The following KLRG1 variants were observed in gnomAD, a reference collection of about 807,000 sequenced individuals.
KLRG1 encodes killer cell lectin like receptor G1.
KLRG1 carries 16 observed loss-of-function variants against 21.8 expected under a neutral mutation model. The observed-to-expected ratio is 0.73, with a 90% CI of 0.50 to 1.11. The LOEUF is 1.11. Among genes scored for constraint, KLRG1 ranks in the 50% most tolerant of loss-of-function variants. KLRG1 has a pLI of 0.00. For missense variants in KLRG1, 173 were observed against 218.3 expected, an observed-to-expected ratio of 0.79 and a Z score of 1.31; for synonymous variants, 69 against 75.9, an observed-to-expected ratio of 0.91 and a Z score of 0.47.
At chr12:9,104,539 G>A in the KLRG1 span, 871 of 739,540 alleles carry the variant, frequency 1.2e-3, 7 homozygotes, top group African/African-American at 0.014. Flanking sequence ...GAAAAAAAAC[G>A]AAGTTTCTTC....
At chr12:9,091,368 C>T in the KLRG1 span, 14 of 1,614,186 alleles carry the variant, frequency 8.7e-6, no homozygotes, top group Non-Finnish European at 1.2e-5. Context: ...CAGAAGGCCC[C>T]TGCCTTCCAC....
the KLRG1 span, chr12:9,161,092 G>A: frequency 6.3e-7 from 1 of 1,599,130 alleles, no homozygotes; most frequent in Non-Finnish European, 8.6e-7. Flanking sequence ...GAGCTTCAAG[G>A]ACAACTGCTC....
intron 1 of KLRG1, chr12:8,970,628 C>T (rs1946551379): frequency 6.6e-6 from 1 of 152,112 alleles, no homozygotes; most frequent in Admixed American, 6.6e-5. Flanking sequence ...TTACTTTTCT[C>T]TAGGATTTCA....
chr12:9,143,155 A>T, the KLRG1 span, among the ~76,000 whole-genome samples: 2 of 152,208 alleles, frequency 1.3e-5, no homozygotes, highest in Admixed American at 1.3e-4. Context: ...AGTTAAATTA[A>T]AGGATTGGGT....
chr12:8,980,376 G>A (rs1020568246), intron 1 of KLRG1, among the ~76,000 whole-genome samples: 20 of 151,806 alleles, frequency 1.3e-4, no homozygotes, highest in African/African-American at 1.7e-4. Context: ...ATTCTTTGTC[G>A]GGCAATTCAT....
At chr12:8,954,915 CTT>C (rs983184950) in intron 1 of KLRG1, among the ~76,000 whole-genome samples, 6 of 151,572 alleles carry the variant, frequency 4.0e-5, no homozygotes, top group Admixed American at 3.3e-4. Flanking sequence ...ATGTACAACT[CTT>C]TTTTTTCTTT....
the KLRG1 span, chr12:9,152,708 A>G: frequency 9.3e-7 from 1 of 1,074,076 alleles, no homozygotes; most frequent in Middle Eastern, 2.6e-4. Flanking sequence ...ATTTATAGAT[A>G]TATCAATTCT....
At chr12:9,093,616 T>C in the KLRG1 span, 2 of 1,189,418 alleles carry the variant, frequency 1.7e-6, no homozygotes, top group Admixed American at 2.5e-5. Context: ...ACAATAAACA[T>C]ACAGATAAAG....
intron 1 of KLRG1, among the ~76,000 whole-genome samples, chr12:8,960,048 C>T (rs1021383640): frequency 3.3e-5 from 5 of 152,156 alleles, no homozygotes; most frequent in Admixed American, 6.6e-5. Context: ...TCTTAAACAA[C>T]TGGCAAACTG....
At chr12:9,107,252 G>A in the KLRG1 span, among the ~76,000 whole-genome samples, 3 of 152,116 alleles carry the variant, frequency 2.0e-5, no homozygotes, top group Non-Finnish European at 4.4e-5. Context: ...ATTAAGAGGT[G>A]TATGGTTTTT....
chr12:9,113,540 C>A, the KLRG1 span: 1 of 1,613,544 alleles, frequency 6.2e-7, no homozygotes, highest in Non-Finnish European at 8.5e-7. Flanking sequence ...GAACCATATA[C>A]TGCCTGGGAA....
the KLRG1 span, chr12:9,089,757 A>C: frequency 1.6e-6 from 1 of 624,934 alleles, no homozygotes; most frequent in African/African-American, 1.9e-5. Flanking sequence ...AAAAACAAAA[A>C]CCCCCAACAA....
chr12:9,089,149 C>T, the KLRG1 span: 6 of 1,358,936 alleles, frequency 4.4e-6, no homozygotes, highest in East Asian at 2.5e-5. Context: ...GTTCTTTGAA[C>T]TTTAAATGTT....
At chr12:9,161,766 G>A in the KLRG1 span, among the ~76,000 whole-genome samples, 1 of 152,074 alleles carries the variant, frequency 6.6e-6, no homozygotes, top group Non-Finnish European at 1.5e-5. Flanking sequence ...ATAATGTGGC[G>A]GTTCTGTATA....
At chr12:9,065,151 T>TCCCCCCCCCCCCCCCCCCCC in the KLRG1 span, 4 of 52,630 alleles carry the variant, frequency 7.6e-5, no homozygotes, top group Admixed American at 1.8e-4. Flanking sequence ...ATTCCCTTCC[T>TCCCCCCCCCCCCCCCCCCCC]CCCCCCCCCC....
chr12:9,118,301 G>T, the KLRG1 span, among the ~76,000 whole-genome samples: 4,364 of 152,212 alleles, frequency 0.029, 89 homozygotes, highest in Non-Finnish European at 0.042. Context: ...GCTGGGTATG[G>T]CATATGACTA....
the KLRG1 span, chr12:9,058,313 G>A: frequency 2.0e-5 from 3 of 152,120 alleles, no homozygotes; most frequent in Non-Finnish European, 4.4e-5. Flanking sequence ...AGGTAAGGTT[G>A]ATTTAATCAC....
At chr12:9,037,966 C>T in the KLRG1 span, among the ~76,000 whole-genome samples, 1 of 152,170 alleles carries the variant, frequency 6.6e-6, no homozygotes, top group African/African-American at 2.4e-5. Flanking sequence ...TCAGTGATAC[C>T]TGTGTTAAAA....
At chr12:9,160,193 G>A in the KLRG1 span, 3 of 1,106,752 alleles carry the variant, frequency 2.7e-6, no homozygotes, top group Non-Finnish European at 3.9e-6. Context: ...ATTAGAGTGT[G>A]GGAAGATTGT....
Sources: allele counts gnomAD v4.1 joint callset (sites outside exome capture counted in the v4.1 genomes callset), GRCh38; gene constraint gnomAD v4.1.1; transcripts MANE v1.5; gene names NCBI Gene and HGNC (gene_info 2026-07-23, HGNC 2026-07-21).